SEPTIN7: variants seen among roughly 807,000 people sequenced by gnomAD.
SEPTIN7 encodes septin 7.
In SEPTIN7, 10 loss-of-function variants were observed where a neutral mutation model predicts 63.3. The observed-to-expected ratio is 0.16, with a 90% confidence interval of 0.10 to 0.27. The LOEUF is 0.27. Among genes scored for constraint, SEPTIN7 ranks in the 10% least tolerant of loss-of-function variants. The probability of loss-of-function intolerance (pLI) is 1.00; values close to 1 mark genes in which losing one functional copy is unlikely to be tolerated. For missense variants in SEPTIN7, 310 were observed against 521.0 expected, an observed-to-expected ratio of 0.59 and a Z score of 3.94; for synonymous variants, 131 against 165.3, an observed-to-expected ratio of 0.79 and a Z score of 1.59.
chr7:35,892,786 A>C (rs545443638), intron 11 of SEPTIN7, among the ~76,000 whole-genome samples: 50 of 152,282 alleles, frequency 3.3e-4, no homozygotes, highest in Non-Finnish European at 6.3e-4. Flanking sequence ...GTAGAATTCT[A>C]CTGGAAATAT....
At chr7:35,821,913 C>T (rs745359356) in intron 1 of SEPTIN7, among the ~76,000 whole-genome samples, 18 of 151,858 alleles carry the variant, frequency 1.2e-4, no homozygotes, top group East Asian at 1.9e-4. Flanking sequence ...TGAGTAGCTG[C>T]GATTACAGGT....
At chr7:35,860,769 C>G (rs1202305015) in intron 3 of SEPTIN7, among the ~76,000 whole-genome samples, 8 of 152,178 alleles carry the variant, frequency 5.3e-5, no homozygotes, top group Non-Finnish European at 8.8e-5. Flanking sequence ...TTGCCACTTT[C>G]AAGATTCTGT....
rs1785209716 is a variant in SEPTIN7, at chr7:35,856,412, G to A, written c.170-7140G>A. On this transcript the variant is annotated intron_variant, in intron 3 of 13. Transcript: ENST00000350320. Reference sequence around the variant, plus strand: ...ACATTGTGGTTGCTTCCACGTCTTGGCAATTATAAATAAAGCTGCTGCAAA... The same window carrying A: ...ACATTGTGGTTGCTTCCACGTCTTGACAATTATAAATAAAGCTGCTGCAAA... 2.6e-5 allele frequency among the ~76,000 whole-genome samples: 4 copies of A among 152,200 alleles called. No homozygotes were observed. In the South Asian group the frequency reaches 8.3e-4, roughly 32 times the overall value.
intron 4 of SEPTIN7, among the ~76,000 whole-genome samples, chr7:35,870,164 G>T (rs1349379582): frequency 6.6e-6 from 1 of 152,132 alleles, no homozygotes; most frequent in Non-Finnish European, 1.5e-5. Flanking sequence ...ACCGTGTATG[G>T]ATACACAGAA....
chr7:35,826,955 C>G (rs1029395061), intron 1 of SEPTIN7, among the ~76,000 whole-genome samples: 1 of 152,024 alleles, frequency 6.6e-6, no homozygotes, highest in South Asian at 2.1e-4. Flanking sequence ...TTGTTTGAAG[C>G]GTGCTGTTAC....
chr7:35,805,443 T>A (rs1337084988), intron 1 of SEPTIN7, among the ~76,000 whole-genome samples: 1 of 152,258 alleles, frequency 6.6e-6, no homozygotes, highest in African/African-American at 2.4e-5. Flanking sequence ...ATTATTCTGC[T>A]ATTAAATTTT....
At chr7:35,875,754 G>A (rs1786434790) in intron 6 of SEPTIN7, among the ~76,000 whole-genome samples, 1 of 152,038 alleles carries the variant, frequency 6.6e-6, no homozygotes, top group Non-Finnish European at 1.5e-5. Flanking sequence ...GTTTTATACA[G>A]AAGGATTTTT....
At chr7:35,835,841 T>G (rs1459950753) in intron 3 of SEPTIN7, among the ~76,000 whole-genome samples, 2 of 152,240 alleles carry the variant, frequency 1.3e-5, no homozygotes, top group Non-Finnish European at 2.9e-5. Flanking sequence ...TTGCTGAATG[T>G]TATAGTCTAG....
intron 7 of SEPTIN7, among the ~76,000 whole-genome samples, chr7:35,880,223 C>CTTTTTTTTTTTTTTTTTTTCTTTT (rs1786770919): frequency 2.7e-5 from 2 of 72,778 alleles, no homozygotes; most frequent in African/African-American, 1.2e-4. Flanking sequence ...TTTTTCTTTT[C>CTTTTTTTTTTTTTTTTTTTCTTTT]TTTTTTTTTT....
chr7:35,882,612 G>A, intron 8 of SEPTIN7, 36 bp downstream of exon 8: 2 of 1,313,658 alleles, frequency 1.5e-6, no homozygotes, highest in Non-Finnish European at 2.0e-6. Flanking sequence ...AAAGTAATCT[G>A]AGGCCTTAAA....
chr7:35,887,432 C>T (rs111710230), intron 10 of SEPTIN7, among the ~76,000 whole-genome samples: 2,921 of 152,304 alleles, frequency 0.019, 102 homozygotes, highest in African/African-American at 0.066. Flanking sequence ...TCGCTGCAGC[C>T]TCCACCCAGG....
intron 6 of SEPTIN7, among the ~76,000 whole-genome samples, chr7:35,875,084 T>C (rs1246814416): frequency 6.6e-6 from 1 of 152,182 alleles, no homozygotes; most frequent in Non-Finnish European, 1.5e-5. Context: ...TCTCCAAGTT[T>C]AGTAATTCTC....
intron 1 of SEPTIN7, among the ~76,000 whole-genome samples, chr7:35,802,937 AG>A (rs1788090816): frequency 2.0e-5 from 3 of 152,208 alleles, no homozygotes; most frequent in African/African-American, 7.2e-5. Flanking sequence ...GAAGCTACAT[AG>A]GTGATTTGCA....
the SEPTIN7 span, among the ~76,000 whole-genome samples, chr7:35,914,187 TATA>T: frequency 6.6e-6 from 1 of 152,240 alleles, no homozygotes; most frequent in Non-Finnish European, 1.5e-5. Context: ...GGTCATATGC[TATA>T]ATAACATTTA....
intron 3 of SEPTIN7, among the ~76,000 whole-genome samples, chr7:35,860,168 TATATA>T (rs1459948469): frequency 2.0e-5 from 3 of 152,058 alleles, no homozygotes; most frequent in East Asian, 3.9e-4. Context: ...ATAGGGATAA[TATATA>T]ATATCCTAAA....
chr7:35,877,193 G>T (rs1265008907), intron 6 of SEPTIN7, among the ~76,000 whole-genome samples: 1 of 151,776 alleles, frequency 6.6e-6, no homozygotes, highest in Non-Finnish European at 1.5e-5. Flanking sequence ...TATAAACAGG[G>T]TTATTCCATC....
intron 11 of SEPTIN7, among the ~76,000 whole-genome samples, chr7:35,894,144 T>C (rs1304170096): frequency 1.1e-4 from 9 of 84,970 alleles, no homozygotes; most frequent in Non-Finnish European, 1.8e-4. Flanking sequence ...TTTTTTTTTC[T>C]AAACTTCCTT....
rs144354918 is a variant in SEPTIN7 at position 35,890,888 on chromosome 7, G to C, written c.998+95G>C. On this transcript the variant is annotated intron_variant, in intron 11 of 13. Coordinates refer to ENST00000350320, the MANE Select transcript of SEPTIN7 (RefSeq NM_001788.6). Reference sequence around the variant, plus strand: ...TTAAATTTCTTCTGGCTACTCAGTAGAAAATTTGGATAATGTTCTTTATGC... The same window carrying C: ...TTAAATTTCTTCTGGCTACTCAGTACAAAATTTGGATAATGTTCTTTATGC... 799 of 1,098,336 alleles carry C rather than the reference G, an allele frequency of 7.3e-4. 4 individuals are homozygous for C. In the African/African-American group the frequency reaches 0.012, roughly 16 times the overall value. 68.0% of individuals were successfully genotyped at this position (1,098,336 alleles called of 1,614,324 possible).
At chr7:35,889,397 A>G (rs553169321) in intron 10 of SEPTIN7, among the ~76,000 whole-genome samples, 1 of 152,340 alleles carries the variant, frequency 6.6e-6, no homozygotes, top group East Asian at 1.9e-4. Context: ...CAACTATCAG[A>G]GAATTGCATG....
Sources: gnomAD v4.1 joint callset for allele counts (sites outside exome capture counted in the v4.1 genomes callset) on GRCh38, gnomAD v4.1.1 for gene constraint, MANE v1.5 for transcripts, NCBI Gene and HGNC (gene_info 2026-07-23, HGNC 2026-07-21) for gene names.